Variants in ARB2A observed in about 807,000 individuals in gnomAD.
ARB2A encodes the protein ARB2 cotranscriptional regulator A, also known as cotranscriptional regulator ARB2A.
chr5:93,820,190 T>C, the ARB2A span, among the ~76,000 whole-genome samples: 1 of 152,202 alleles, frequency 6.6e-6, no homozygotes, highest in Non-Finnish European at 1.5e-5. Context: ...ACACTGTTGT[T>C]TTGGCTAAGC....
At chr5:93,710,325 A>G in the ARB2A span, among the ~76,000 whole-genome samples, 2 of 152,218 alleles carry the variant, frequency 1.3e-5, no homozygotes, top group Non-Finnish European at 2.9e-5. Context: ...CTTCTTTGGG[A>G]AAACCGGGAA....
chr5:93,722,597 C>A, the ARB2A span, among the ~76,000 whole-genome samples: 1 of 152,044 alleles, frequency 6.6e-6, no homozygotes, highest in African/African-American at 2.4e-5. Context: ...ACATATATTA[C>A]TTTAATGGGA....
At chr5:93,768,875 T>C in the ARB2A span, among the ~76,000 whole-genome samples, 2 of 152,204 alleles carry the variant, frequency 1.3e-5, no homozygotes, top group East Asian at 3.9e-4. Flanking sequence ...TGAGCCACTA[T>C]GCTTGGCCCT....
At chr5:93,921,310 C>A in the ARB2A span, among the ~76,000 whole-genome samples, 1 of 151,868 alleles carries the variant, frequency 6.6e-6, no homozygotes, top group Non-Finnish European at 1.5e-5. Context: ...GAAAGACATA[C>A]CTATAGATTC....
chr5:93,987,234 G>A, the ARB2A span, among the ~76,000 whole-genome samples: 1 of 152,106 alleles, frequency 6.6e-6, no homozygotes, highest in Non-Finnish European at 1.5e-5. Context: ...CCTCCTAGAA[G>A]GAGTAGGGTG....
chr5:93,698,891 G>T, the ARB2A span, among the ~76,000 whole-genome samples: 1 of 152,162 alleles, frequency 6.6e-6, no homozygotes, highest in African/African-American at 2.4e-5. Flanking sequence ...GCTATGGTGG[G>T]GGTCATGCAG....
chr5:93,946,401 G>C, the ARB2A span, among the ~76,000 whole-genome samples: 1 of 152,052 alleles, frequency 6.6e-6, no homozygotes, highest in Non-Finnish European at 1.5e-5. Context: ...AAAATTAAGA[G>C]ACGAATGAAG....
At chr5:93,661,065 G>A in the ARB2A span, among the ~76,000 whole-genome samples, 3 of 152,134 alleles carry the variant, frequency 2.0e-5, no homozygotes, top group African/African-American at 4.8e-5. Flanking sequence ...CACTGATGAT[G>A]AGCCAAGCAC....
the ARB2A span, among the ~76,000 whole-genome samples, chr5:93,977,514 G>A: frequency 4.6e-5 from 7 of 152,020 alleles, 1 homozygote; most frequent in South Asian, 1.5e-3. Flanking sequence ...ATAAACAATG[G>A]GGAAAGGATA....
At chr5:93,715,259 C>T in the ARB2A span, among the ~76,000 whole-genome samples, 3 of 152,116 alleles carry the variant, frequency 2.0e-5, no homozygotes, top group Admixed American at 6.5e-5. Flanking sequence ...TTAGCACTTA[C>T]GGATAGAACT....
the ARB2A span, among the ~76,000 whole-genome samples, chr5:93,804,421 G>A: frequency 1.1e-4 from 17 of 151,824 alleles, no homozygotes; most frequent in South Asian, 6.2e-4. Flanking sequence ...AAATAATTGA[G>A]CATAATGCAT....
the ARB2A span, among the ~76,000 whole-genome samples, chr5:93,834,652 T>G: frequency 6.6e-6 from 1 of 152,168 alleles, no homozygotes; most frequent in Non-Finnish European, 1.5e-5. Context: ...TAGATTAGTT[T>G]TAAATATATA....
the ARB2A span, among the ~76,000 whole-genome samples, chr5:93,647,385 C>G: frequency 6.6e-6 from 1 of 152,176 alleles, no homozygotes; most frequent in East Asian, 1.9e-4. Context: ...CGCCACCACA[C>G]CTGTCTAATT....
chr5:94,017,510 G>T, the ARB2A span, among the ~76,000 whole-genome samples: 4 of 152,194 alleles, frequency 2.6e-5, no homozygotes, highest in Non-Finnish European at 5.9e-5. Context: ...TACTGGAATG[G>T]ATATGGTATC....
the ARB2A span, among the ~76,000 whole-genome samples, chr5:93,770,433 CAT>C: frequency 4.6e-5 from 7 of 152,112 alleles, no homozygotes; most frequent in Non-Finnish European, 7.3e-5. Context: ...TCCTATTCAA[CAT>C]AGTGTTGGAA....
chr5:94,042,132 T>C, the ARB2A span, among the ~76,000 whole-genome samples: 1 of 152,142 alleles, frequency 6.6e-6, no homozygotes. Flanking sequence ...GGAATAAAGC[T>C]GAAGGTTTAA....
the ARB2A span, among the ~76,000 whole-genome samples, chr5:93,900,592 C>T: frequency 4.3e-4 from 59 of 135,742 alleles, no homozygotes; most frequent in East Asian, 8.7e-3. Flanking sequence ...CCAGCCTGGG[C>T]GACAGAGTGA....
the ARB2A span, among the ~76,000 whole-genome samples, chr5:93,761,541 G>A: frequency 2.0e-5 from 3 of 152,188 alleles, no homozygotes; most frequent in Non-Finnish European, 4.4e-5. Context: ...GCTTGAGTAG[G>A]TAAACAAAGC....
the ARB2A span, among the ~76,000 whole-genome samples, chr5:93,781,448 TAGGTTGATTCCAAGACTTTGC>T: frequency 6.6e-6 from 1 of 152,202 alleles, no homozygotes; most frequent in African/African-American, 2.4e-5. Flanking sequence ...GATGGATGCT[TAGGTTGATTCCAAGACTTTGC>T]TATCATGAAT....
Sources: allele counts gnomAD v4.1 joint callset (sites outside exome capture counted in the v4.1 genomes callset), GRCh38; gene constraint gnomAD v4.1.1; transcripts MANE v1.5; gene names NCBI Gene and HGNC (gene_info 2026-07-23, HGNC 2026-07-21).